Variants in PIEZO2 observed in about 807,000 individuals in gnomAD.
The protein encoded by PIEZO2 is piezo type mechanosensitive ion channel component 2.
Under a neutral mutation model 337.3 loss-of-function variants are expected in PIEZO2, and 172 were observed. The ratio of observed to expected loss-of-function variants is 0.51; its 90% confidence interval spans 0.45 to 0.58. The LOEUF is 0.58. PIEZO2 is among the 20% of genes least tolerant of loss of function. PIEZO2 has a pLI of 0.00. For synonymous variants in PIEZO2, 1,251 were observed against 1,228.5 expected, an observed-to-expected ratio of 1.02 and a Z score of -0.38; for missense variants, 3,028 against 3,391.3, an observed-to-expected ratio of 0.89 and a Z score of 2.66.
In PIEZO2 at chr18:10,689,138, T is replaced by G. The variant is rs762242605; in HGVS notation, c.7497+517A>C. 5.4e-4 allele frequency among the ~76,000 whole-genome samples: 82 copies of G among 152,236 alleles called. 1 individual carries two copies. The highest frequency in any genetic ancestry group is 9.8e-4 in the Admixed American group (15 of 15,284). ...ATTGCTCTTATGCAACAGACTCTTCTTCCATATATTAAACTTCTGAGAAGT... is the reference window on the plus strand; with the variant it reads ...ATTGCTCTTATGCAACAGACTCTTCGTCCATATATTAAACTTCTGAGAAGT... On this transcript the variant is annotated intron_variant, in intron 49 of 55. Transcript: ENST00000674853.
intron 8 of PIEZO2, 119 bp downstream of exon 8, chr18:10,806,993 C>G (rs1025628602): frequency 4.8e-6 from 5 of 1,045,468 alleles, no homozygotes; most frequent in Non-Finnish European, 2.7e-6. Flanking sequence ...ATACCCAGAA[C>G]ACTAGAGTTG....
rs2036809064 is a variant in PIEZO2 at position 11,033,379 on chromosome 18, C to T, written c.160+32748G>A. Among the ~76,000 whole-genome samples the T allele has an allele frequency of 6.6e-6, 1 of 152,184 alleles. No homozygotes were observed. The highest frequency in any genetic ancestry group is 1.5e-5 in the Non-Finnish European group (1 of 68,036). On this transcript the variant is annotated intron_variant, in intron 2 of 55. Coordinates refer to ENST00000674853, the MANE Select transcript of PIEZO2 (RefSeq NM_001378183.1). The surrounding 1 kb of genome is among the most constrained non-coding windows in gnomAD (Gnocchi z 4.2). ...TCTCACTGGTGCAGGTTTCTCCTGC[C>T]CACCTAAGGCAGACACGCCCCTGGA...
At chr18:10,745,995 C>T (rs2037407725) in intron 30 of PIEZO2, among the ~76,000 whole-genome samples, 1 of 152,210 alleles carries the variant, frequency 6.6e-6, no homozygotes, top group African/African-American at 2.4e-5. Flanking sequence ...CCCTTTCTAT[C>T]ACTGTCTCCC....
At chr18:10,836,002 T>C (rs1358336697) in intron 7 of PIEZO2, among the ~76,000 whole-genome samples, 1 of 152,236 alleles carries the variant, frequency 6.6e-6, no homozygotes, top group Non-Finnish European at 1.5e-5. Context: ...CAGAAACTAA[T>C]GTAAACAGGT....
chr18:10,814,171 G>A (rs1169309656), intron 7 of PIEZO2, among the ~76,000 whole-genome samples: 7 of 151,822 alleles, frequency 4.6e-5, no homozygotes, highest in Non-Finnish European at 7.4e-5. Context: ...GGGTTTCACT[G>A]TGTTAGCCAG....
chr18:10,706,414 C>A (rs910892090), intron 40 of PIEZO2, among the ~76,000 whole-genome samples: 1 of 152,178 alleles, frequency 6.6e-6, no homozygotes, highest in African/African-American at 2.4e-5. Context: ...GTGCCCAGGG[C>A]TTCCCCTTCC....
intron 2 of PIEZO2, among the ~76,000 whole-genome samples, chr18:11,063,730 G>T (rs1053131979): frequency 1.9e-4 from 29 of 152,214 alleles, no homozygotes; most frequent in Non-Finnish European, 2.9e-4. Flanking sequence ...GGTGCAGGCT[G>T]CCCGGGAGCA....
intron 2 of PIEZO2, among the ~76,000 whole-genome samples, chr18:11,057,643 T>C (rs1272391045): frequency 2.6e-5 from 4 of 152,146 alleles, no homozygotes; most frequent in Non-Finnish European, 5.9e-5. Context: ...CTGGTACCAT[T>C]AATATCTAAG....
intron 2 of PIEZO2, among the ~76,000 whole-genome samples, chr18:11,049,377 G>A (rs572422875): frequency 1.3e-5 from 2 of 152,308 alleles, no homozygotes; most frequent in South Asian, 4.2e-4. Flanking sequence ...CTTTACCTTT[G>A]TATGCCTAAC....
At chr18:10,693,408 C>T (rs577476344) in intron 47 of PIEZO2, among the ~76,000 whole-genome samples, 1 of 147,020 alleles carries the variant, frequency 6.8e-6, no homozygotes, top group African/African-American at 2.5e-5. Context: ...CACTCTTTGT[C>T]ACCCAGGCTG....
intron 2 of PIEZO2, among the ~76,000 whole-genome samples, chr18:11,037,854 T>A (rs953831500): frequency 5.3e-5 from 8 of 152,226 alleles, no homozygotes; most frequent in Admixed American, 1.3e-4. Flanking sequence ...TGCAAAGTTT[T>A]CTTAATGTTT....
In PIEZO2 at chr18:10,969,003, C is replaced by A. The variant is rs1416598277; in HGVS notation, c.286+10532G>T. On this transcript the variant is annotated intron_variant, in intron 3 of 55. Transcript: ENST00000674853. This position sits in a 1 kb window ranked among gnomAD's most constrained non-coding sequence, Gnocchi z 4.5. ...TTATTTATAAATCCACCTACCTAAG[C>A]CCTAAAATATACATCAATTTTGTAA... Among the ~76,000 whole-genome samples, 2 of 152,140 alleles carry A rather than the reference C, an allele frequency of 1.3e-5. No individual in the cohort carries two copies. The highest frequency in any genetic ancestry group is 6.5e-5 in the Admixed American group (1 of 15,280).
Position 10,795,109 on chromosome 18 carries a change from A to C in PIEZO2, c.1528-107T>G. The C allele has an allele frequency of 3.1e-6, 3 of 964,630 alleles. No homozygotes were observed. The highest frequency in any genetic ancestry group is 4.6e-6 in the Non-Finnish European group (3 of 652,924). The allele number at this position is 964,630 out of a possible 1,614,324, so 59.8% of individuals were successfully genotyped here. ...AAAAAGAAAAGGTCATAATATTCAA[A>C]CCAGGGAGAGTAGAGAGTTGTGGTG... On this transcript the variant is annotated intron_variant, in intron 12 of 55. Transcript: ENST00000674853. This position sits in a 1 kb window ranked among gnomAD's most constrained non-coding sequence, Gnocchi z 4.4.
intron 33 of PIEZO2, 150 bp from the exon 34 acceptor site, chr18:10,736,860 G>A: frequency 4.6e-6 from 4 of 878,594 alleles, no homozygotes; most frequent in Non-Finnish European, 6.8e-6. Flanking sequence ...ACAAGATGAA[G>A]AGAACTCATC....
intron 11 of PIEZO2, among the ~76,000 whole-genome samples, chr18:10,799,199 A>G (rs2039716702): frequency 6.7e-6 from 1 of 149,350 alleles, no homozygotes; most frequent in African/African-American, 2.4e-5. Flanking sequence ...CAAATTGGAG[A>G]GCTGTGGCCA....
rs1394647675 is a variant in PIEZO2 at position 10,850,118 on chromosome 18, C to T, written c.917+5235G>A. 1.3e-5 allele frequency among the ~76,000 whole-genome samples: 2 copies of T among 152,184 alleles called. No individual in the cohort carries two copies. Among genetic ancestry groups the T allele is most frequent in the Non-Finnish European group, 2.9e-5 (2 of 68,038 alleles). On this transcript the variant is annotated intron_variant, in intron 7 of 55. Coordinates refer to ENST00000674853, the MANE Select transcript of PIEZO2 (RefSeq NM_001378183.1). The surrounding 1 kb of genome is among the most constrained non-coding windows in gnomAD (Gnocchi z 4.5). The stretch of plus-strand genomic sequence containing the variant: ...CCTACATTTTGTTTTGGAAAATATG[C>T]TCGTGCCACACCTGTGTGCATAAAC...
chr18:11,104,372 A>T lies in PIEZO2; in HGVS notation c.65-38150T>A, dbSNP rs1223290789. 6.6e-6 allele frequency among the ~76,000 whole-genome samples: 1 copy of T among 152,200 alleles called. No homozygotes were observed. Among genetic ancestry groups the T allele is most frequent in the African/African-American group, 2.4e-5 (1 of 41,446 alleles). On this transcript the variant is annotated intron_variant, in intron 1 of 55. Coordinates refer to ENST00000674853, the MANE Select transcript of PIEZO2 (RefSeq NM_001378183.1). This position sits in a 1 kb window ranked among gnomAD's most constrained non-coding sequence, Gnocchi z 4.6. ...AGGAGGCTCTTTCTCCTAGACCAAG[A>T]CAGTCTGATTTGTGTCTTTTGGATT...
intron 43 of PIEZO2, among the ~76,000 whole-genome samples, 168 bp from the exon 44 acceptor site, chr18:10,699,345 G>C (rs1475735132): frequency 1.3e-5 from 2 of 152,230 alleles, no homozygotes; most frequent in Non-Finnish European, 2.9e-5. Flanking sequence ...CATGTTGTGG[G>C]AGAGACCCGG....
Position 10,979,623 on chromosome 18 carries a change from G to A in PIEZO2, c.198C>T (p.Ile66=). The A allele has an allele frequency of 6.5e-7, 1 of 1,535,930 alleles. No homozygotes were observed. Among genetic ancestry groups the A allele is most frequent in the Non-Finnish European group, 8.7e-7 (1 of 1,145,920 alleles). The change falls in exon 3 of 56, where the codon ATC becomes ATT. Residue 66 remains isoleucine, a synonymous_variant. Transcript: ENST00000674853. This position sits in a 1 kb window ranked among gnomAD's most constrained non-coding sequence, Gnocchi z 4.0. Reference sequence around the variant, plus strand: ...TGTGCAGCAACAGGAAGGAAAGACTGATGAAGCACAGAGACTTTAATAACC... The same window carrying A: ...TGTGCAGCAACAGGAAGGAAAGACTAATGAAGCACAGAGACTTTAATAACC... ...TGRLLKSLCF[I]SLSFLLLHII...
Sources: gnomAD v4.1 joint callset for allele counts (sites outside exome capture counted in the v4.1 genomes callset) on GRCh38, gnomAD v4.1.1 for gene constraint, Gnocchi (gnomAD v3.1) non-coding constraint, MANE v1.5 for transcripts, NCBI Gene and HGNC (gene_info 2026-07-23, HGNC 2026-07-21) for gene names.